FSIP2: variants seen among roughly 807,000 people sequenced by gnomAD.
FSIP2 encodes the protein fibrous sheath-interacting protein 2.
In FSIP2, 367 loss-of-function variants were observed where a neutral mutation model predicts 510.5. That is an observed-to-expected ratio of 0.72 (90% CI 0.66 to 0.78). The LOEUF (loss-of-function observed/expected upper bound fraction) is 0.78. Among genes scored for constraint, FSIP2 ranks in the 30% least tolerant of loss-of-function variants. FSIP2 has a pLI of 0.00. For missense variants in FSIP2, 7,594 were observed against 7,901.7 expected (o/e 0.96, Z 1.48); for synonymous variants, 2,601 against 2,732.2 (o/e 0.95, Z 1.50).
chr2:185,812,479 T>C (rs769583165), intron 17 of FSIP2, among the ~76,000 whole-genome samples: 3 of 152,066 alleles, frequency 2.0e-5, no homozygotes, highest in Non-Finnish European at 4.4e-5. Flanking sequence ...TTAAGGCATG[T>C]GATTGGCACC....
At position 185,801,560 on chromosome 2, in the gene FSIP2, T is replaced by C; in HGVS notation, c.12254T>C (p.Leu4085Ser). ...GAACAAATAACAAATGGCATATTGT[T>C]AGAGATTTTAGACTACAAACTGCCA... ...IAEQITNGIL[L>S]EILDYKLPSC... Residue 4085 changes from leucine (L) to serine (S), a missense_variant, in exon 17 of 23, where the codon TTA becomes TCA. Leu to Ser is a moderately radical substitution (Grantham distance 145). Coordinates refer to ENST00000424728, the MANE Select transcript of FSIP2 (RefSeq NM_173651.4). The C allele has an allele frequency of 6.5e-7, 1 of 1,534,160 alleles. No individual in the cohort carries two copies. Among genetic ancestry groups the C allele is most frequent in the South Asian group, 1.2e-5 (1 of 83,986 alleles).
chr2:185,739,964 A>C (rs1449111267), intron 2 of FSIP2, among the ~76,000 whole-genome samples: 2 of 152,190 alleles, frequency 1.3e-5, no homozygotes, highest in East Asian at 1.9e-4. Flanking sequence ...AAATGAGTTA[A>C]TATGTTTAGT....
rs1226601358 is a variant in FSIP2, at chr2:185,802,505, T to C, written c.13199T>C (p.Ile4400Thr). The C allele has an allele frequency of 1.3e-6, 2 of 1,532,392 alleles. No homozygotes were observed. The highest frequency in any genetic ancestry group is 1.7e-6 in the Non-Finnish European group (2 of 1,144,926). 94.9% of individuals were successfully genotyped at this position (1,532,392 alleles called of 1,614,324 possible). Reference protein sequence around the residue: ...AVDKESEDSGIFVENITNLIV... With the variant: ...AVDKESEDSGTFVENITNLIV... ...GATAAAGAGTCTGAAGACAGTGGCA[T>C]TTTTGTGGAAAATATTACCAATTTA... Residue 4400 changes from isoleucine (I) to threonine (T), a missense_variant, in exon 17 of 23, where the codon ATT (isoleucine) becomes ACT (threonine). Physicochemically the swap from Ile to Thr is moderately conservative, Grantham distance 89 (BLOSUM62 -1). Transcript: ENST00000424728.
intron 1 of FSIP2, 107 bp downstream of exon 1, chr2:185,739,100 C>A (rs1160044699): frequency 2.9e-6 from 4 of 1,359,820 alleles, no homozygotes; most frequent in Middle Eastern, 2.6e-4. Flanking sequence ...AACTGTCCCC[C>A]GTCAGGAGGC....
chr2:185,782,813 TAA>T, intron 14 of FSIP2, 51 bp downstream of exon 14: 1 of 931,198 alleles, frequency 1.1e-6, no homozygotes, highest in Admixed American at 2.0e-5. Flanking sequence ...AATGATTACA[TAA>T]GAGTGCTGCT....
Position 185,805,253 on chromosome 2 carries a change from C to A in FSIP2, c.15947C>A (p.Ala5316Glu), listed in dbSNP as rs1358005615. Residue 5316 changes from alanine (A) to glutamate (E), a missense_variant, in exon 17 of 23, where the codon GCA becomes GAA. Physicochemically the swap from Ala to Glu is moderately radical, Grantham distance 107 (BLOSUM62 -1). Transcript: ENST00000424728. ...ATTATGGGCTTGGCTCTAAAACTTG[C>A]AAATTCTCTGATAAGGGAATTTAAG... ...LDIMGLALKL[A>E]NSLIREFKKS... 10 of 1,588,902 alleles carry A rather than the reference C, an allele frequency of 6.3e-6. No homozygotes were observed. The highest frequency in any genetic ancestry group is 8.5e-6 in the Non-Finnish European group (10 of 1,171,036).
intron 17 of FSIP2, among the ~76,000 whole-genome samples, chr2:185,812,880 G>C (rs1693763569): frequency 6.6e-6 from 1 of 152,042 alleles, no homozygotes; most frequent in African/African-American, 2.4e-5. Flanking sequence ...TTAATTTTGA[G>C]ATTCTGTGAC....
chr2:185,741,241 AT>A (rs1406040815), intron 2 of FSIP2, among the ~76,000 whole-genome samples: 3 of 151,354 alleles, frequency 2.0e-5, no homozygotes, highest in Admixed American at 6.6e-5. Flanking sequence ...AAGATGTTCT[AT>A]TTTTTATTAC....
rs1023095211 is a variant in FSIP2, at chr2:185,792,105, G to A, written c.4969G>A (p.Glu1657Lys). Reference sequence around the variant, plus strand: ...TGCTATTTTGAAGGTTATTCAAACAGAATTAAATGTGACCTCATCAGATTT... The same window carrying A: ...TGCTATTTTGAAGGTTATTCAAACAAAATTAAATGTGACCTCATCAGATTT... The part of the protein sequence containing the change: ...SSAILKVIQT[E>K]LNVTSSDLKT... The change falls in exon 16 of 23, where the codon GAA becomes AAA. Residue 1657 changes from glutamate to lysine, a missense_variant. By Grantham distance (56) the Glu-to-Lys change is moderately conservative. Coordinates refer to ENST00000424728, the MANE Select transcript of FSIP2 (RefSeq NM_173651.4). 5 of 1,533,746 alleles carry A rather than the reference G, an allele frequency of 3.3e-6. No homozygotes were observed. The Admixed American group carries it at 9.8e-5, about 30-fold the overall frequency.
Position 185,806,580 on chromosome 2 carries a change from AGAG to A in FSIP2, c.17278_17280del (p.Glu5760del). ...AAGAGAGAGAAAAAGAGAAAGTAAG[AGAG>A]GAGATTAAAAGTGAACCCAGTAAAC... On this transcript the variant is annotated inframe_deletion, in exon 17 of 23. Transcript: ENST00000424728. The A allele has an allele frequency of 6.2e-7, 1 of 1,607,104 alleles. No homozygotes were observed. The highest frequency in any genetic ancestry group is 8.5e-7 in the Non-Finnish European group (1 of 1,177,680).
intron 13 of FSIP2, among the ~76,000 whole-genome samples, chr2:185,774,556 T>C (rs1692677507): frequency 6.6e-6 from 1 of 150,586 alleles, no homozygotes; most frequent in African/African-American, 2.5e-5. Flanking sequence ...AGTTATTCTC[T>C]TATGACTGCA....
At chr2:185,752,528 C>G (rs111695901) in intron 7 of FSIP2, among the ~76,000 whole-genome samples, 12 of 151,146 alleles carry the variant, frequency 7.9e-5, no homozygotes, top group Non-Finnish European at 1.8e-4. Context: ...CTTTTCTCTC[C>G]TCTCTTCAGG....
chr2:185,806,413 C>T lies in FSIP2; in HGVS notation c.17107C>T (p.Leu5703Phe). Residue 5703 changes from leucine to phenylalanine, a missense_variant, in exon 17 of 23, where the codon CTC becomes TTC. Coordinates refer to ENST00000424728, the MANE Select transcript of FSIP2 (RefSeq NM_173651.4). The part of the protein sequence containing the change: ...SSPEPAYYSK[L>F]SYDQSPPGDN... ...TCCAGAACCAGCATATTATTCGAAA[C>T]TCAGTTATGACCAAAGCCCCCCAGG... 3 of 1,612,028 alleles carry T rather than the reference C, an allele frequency of 1.9e-6. No homozygotes were observed. Among genetic ancestry groups the T allele is most frequent in the Non-Finnish European group, 2.5e-6 (3 of 1,178,688 alleles).
At chr2:185,820,834 A>C (rs2370470) in intron 19 of FSIP2, among the ~76,000 whole-genome samples, 146,715 of 151,188 alleles carry the variant, frequency 0.97, 71,263 homozygotes, top group Middle Eastern at 1. Flanking sequence ...GTTGTAAATT[A>C]TTCATTAATA....
intron 13 of FSIP2, among the ~76,000 whole-genome samples, chr2:185,778,222 A>G (rs1387976239): frequency 2.0e-5 from 3 of 152,020 alleles, no homozygotes; most frequent in Non-Finnish European, 4.4e-5. Flanking sequence ...GGTTTAATCC[A>G]TACTCCAGTA....
chr2:185,780,358 CTGT>C (rs1048256021), intron 13 of FSIP2, among the ~76,000 whole-genome samples: 2 of 151,768 alleles, frequency 1.3e-5, no homozygotes, highest in African/African-American at 2.4e-5. Context: ...CACTGCATTC[CTGT>C]TGTTAATTTC....
intron 19 of FSIP2, among the ~76,000 whole-genome samples, chr2:185,822,488 GA>G (rs1426550769): frequency 6.6e-6 from 1 of 151,826 alleles, no homozygotes; most frequent in Non-Finnish European, 1.5e-5. Flanking sequence ...AAATACTTAG[GA>G]ATACATTTAA....
In FSIP2 at chr2:185,792,008, C is replaced by T. The variant is rs568593132; in HGVS notation, c.4872C>T (p.Thr1624=). ...AGATAGGCTGGGAATATGAAAGCACCAATATTTCCAGAGACACACATGAAG... is the reference window on the plus strand; with the variant it reads ...AGATAGGCTGGGAATATGAAAGCACTAATATTTCCAGAGACACACATGAAG... ...SNKIGWEYES[T]NISRDTHEAS... The change falls in exon 16 of 23, where the codon ACC becomes ACT. Residue 1624 remains threonine (T), a synonymous_variant. Coordinates refer to ENST00000424728, the MANE Select transcript of FSIP2 (RefSeq NM_173651.4). 1 of 1,533,716 alleles carries T rather than the reference C, an allele frequency of 6.5e-7. No individual in the cohort carries two copies. Among genetic ancestry groups the T allele is most frequent in the African/African-American group, 1.4e-5 (1 of 72,908 alleles).
In FSIP2 at chr2:185,801,280, T is replaced by G. The variant is rs1693429086; in HGVS notation, c.11974T>G (p.Trp3992Gly). 1 of 1,533,856 alleles carries G rather than the reference T, an allele frequency of 6.5e-7. No homozygotes were observed. Among genetic ancestry groups the G allele is most frequent in the Middle Eastern group, 1.7e-4 (1 of 5,970 alleles). Residue 3992 changes from tryptophan to glycine, a missense_variant, in exon 17 of 23, where the codon TGG becomes GGG. Trp to Gly is a radical substitution (Grantham distance 184). Transcript: ENST00000424728. ...GTTTTTTAATCTCTCTATGTCATTG[T>G]GGGGCAAAAATAAAAACATCACTGT... ...ELFFNLSMSL[W>G]GKNKNITVSW...
Sources: gnomAD v4.1 joint callset for allele counts (sites outside exome capture counted in the v4.1 genomes callset) on GRCh38, gnomAD v4.1.1 for gene constraint, MANE v1.5 for transcripts, NCBI Gene and HGNC (gene_info 2026-07-23, HGNC 2026-07-21) for gene names.